Variants in SYNPR observed in about 807,000 individuals in gnomAD.
SYNPR encodes the protein synaptoporin.
In SYNPR, 23 loss-of-function variants were observed where a neutral mutation model predicts 32.9. That is an observed-to-expected ratio of 0.70 (90% CI 0.50 to 0.99). SYNPR has a LOEUF of 0.99. Among genes scored for constraint, SYNPR ranks in the 50% least tolerant of loss-of-function variants. SYNPR has a pLI of 0.00. For synonymous variants in SYNPR, 146 were observed against 135.9 expected (o/e 1.07, Z -0.52); for missense variants, 318 against 349.3 (o/e 0.91, Z 0.71).
chr3:63,438,342 A>G (rs531469972), intron 2 of SYNPR, among the ~76,000 whole-genome samples: 1 of 152,332 alleles, frequency 6.6e-6, no homozygotes, highest in South Asian at 2.1e-4. Flanking sequence ...GCTTCAGTGT[A>G]GAAATTTTTT....
chr3:63,608,160 C>G (rs895123934), intron 4 of SYNPR, among the ~76,000 whole-genome samples: 4 of 152,018 alleles, frequency 2.6e-5, no homozygotes, highest in African/African-American at 4.8e-5. Context: ...GTCTCTCCTG[C>G]CTGCCACCCC....
At position 63,436,787 on chromosome 3, in the gene SYNPR, T is replaced by C. The variant is rs1575643173; in HGVS notation, c.85-44045T>C. On this transcript the variant is annotated intron_variant, in intron 2 of 5. Transcript: ENST00000478300. ...ACAAATCTTTATTTGCCTCAAGCCATGTGCCTCAATCGGATTTCCATACTC... is the reference window on the plus strand; with the variant it reads ...ACAAATCTTTATTTGCCTCAAGCCACGTGCCTCAATCGGATTTCCATACTC... Among the ~76,000 whole-genome samples the C allele has an allele frequency of 3.9e-5, 6 of 152,278 alleles. No individual in the cohort carries two copies. The South Asian group carries it at 1.2e-3, about 32-fold the overall frequency.
chr3:63,210,968 T>C, the SYNPR span, among the ~76,000 whole-genome samples: 2 of 152,208 alleles, frequency 1.3e-5, no homozygotes, highest in South Asian at 2.1e-4. Context: ...AATTTAATAT[T>C]CAACAAATAA....
chr3:63,446,853 G>T (rs1014238067), intron 2 of SYNPR, among the ~76,000 whole-genome samples: 1 of 152,108 alleles, frequency 6.6e-6, no homozygotes, highest in African/African-American at 2.4e-5. Context: ...GGTGTGATCT[G>T]CTGTGTCTAA....
At chr3:63,232,963 T>G (rs977556749) in intron 1 of SYNPR, among the ~76,000 whole-genome samples, 2 of 152,236 alleles carry the variant, frequency 1.3e-5, no homozygotes, top group African/African-American at 4.8e-5. Flanking sequence ...AAACTAAAAA[T>G]TTTGATATGC....
intron 3 of SYNPR, among the ~76,000 whole-genome samples, chr3:63,513,183 A>G (rs1701731654): frequency 8.2e-6 from 1 of 122,016 alleles, no homozygotes; most frequent in Non-Finnish European, 1.6e-5. Flanking sequence ...TCCTACACAT[A>G]AGGAGAATTT....
At chr3:63,254,956 G>T (rs1369849903) in intron 2 of SYNPR, among the ~76,000 whole-genome samples, 1 of 152,150 alleles carries the variant, frequency 6.6e-6, no homozygotes, top group African/African-American at 2.4e-5. Flanking sequence ...AGAGGCCAAG[G>T]AGAGAGGCCT....
At chr3:63,419,805 G>A (rs1044157763) in intron 2 of SYNPR, among the ~76,000 whole-genome samples, 1 of 152,120 alleles carries the variant, frequency 6.6e-6, no homozygotes, top group Non-Finnish European at 1.5e-5. Flanking sequence ...ATCAAAAAGG[G>A]CTCTTCTTTC....
At chr3:63,608,689 G>A (rs143962324) in intron 4 of SYNPR, among the ~76,000 whole-genome samples, 2 of 152,286 alleles carry the variant, frequency 1.3e-5, no homozygotes, top group African/African-American at 4.8e-5. Flanking sequence ...TGACAGCTTG[G>A]TGGTTAAGAA....
At chr3:63,220,710 T>C in the SYNPR span, among the ~76,000 whole-genome samples, 18 of 152,156 alleles carry the variant, frequency 1.2e-4, no homozygotes, top group Admixed American at 1.0e-3. Flanking sequence ...ACCAGCCTCA[T>C]TGCATTCCTC....
intron 2 of SYNPR, among the ~76,000 whole-genome samples, chr3:63,260,637 A>T (rs1161038063): frequency 4.6e-5 from 7 of 152,288 alleles, no homozygotes; most frequent in East Asian, 3.9e-4. Flanking sequence ...AACCTAGGCA[A>T]TACCATTCAG....
At chr3:63,415,052 T>C (rs551371326) in intron 2 of SYNPR, among the ~76,000 whole-genome samples, 1 of 152,322 alleles carries the variant, frequency 6.6e-6, no homozygotes, top group Non-Finnish European at 1.5e-5. Context: ...AAAAGTAAAT[T>C]ACATAAACTT....
intron 2 of SYNPR, among the ~76,000 whole-genome samples, chr3:63,469,081 T>C (rs1700745609): frequency 1.3e-5 from 2 of 152,190 alleles, no homozygotes; most frequent in Admixed American, 1.3e-4. Flanking sequence ...AATATTTAAA[T>C]TTTAAAAAAG....
intron 4 of SYNPR, among the ~76,000 whole-genome samples, chr3:63,571,236 T>C (rs1702880136): frequency 6.6e-6 from 1 of 152,194 alleles, no homozygotes; most frequent in South Asian, 2.1e-4. Flanking sequence ...AGTTTTACTG[T>C]TGTGCACTTT....
intron 2 of SYNPR, among the ~76,000 whole-genome samples, chr3:63,350,461 TAGG>T (rs1291566918): frequency 6.6e-6 from 1 of 152,170 alleles, no homozygotes; most frequent in Admixed American, 6.5e-5. Flanking sequence ...TATATCGTGA[TAGG>T]AGGAGAAAGA....
chr3:63,340,303 T>C (rs1225710635), intron 2 of SYNPR, among the ~76,000 whole-genome samples: 5 of 152,012 alleles, frequency 3.3e-5, no homozygotes, highest in Non-Finnish European at 5.9e-5. Flanking sequence ...GGCCATAAGA[T>C]TTTTTTTCTC....
intron 2 of SYNPR, among the ~76,000 whole-genome samples, chr3:63,339,841 G>C (rs1205640019): frequency 1.3e-5 from 2 of 152,102 alleles, no homozygotes; most frequent in African/African-American, 2.4e-5. Context: ...ATTTTTAGTA[G>C]AGACAGGGTT....
intron 2 of SYNPR, among the ~76,000 whole-genome samples, chr3:63,287,308 A>G (rs932092960): frequency 6.6e-6 from 1 of 152,052 alleles, no homozygotes; most frequent in African/African-American, 2.4e-5. Flanking sequence ...TGCCACTTCC[A>G]CTGCCCAGAA....
intron 2 of SYNPR, among the ~76,000 whole-genome samples, chr3:63,421,465 T>C (rs1055765190): frequency 1.3e-5 from 2 of 151,144 alleles, no homozygotes; most frequent in African/African-American, 4.8e-5. Flanking sequence ...AAAATCATTA[T>C]GCTGAGTGAG....
Sources: allele counts gnomAD v4.1 joint callset (sites outside exome capture counted in the v4.1 genomes callset), GRCh38; gene constraint gnomAD v4.1.1; transcripts MANE v1.5; gene names NCBI Gene and HGNC (gene_info 2026-07-23, HGNC 2026-07-21).